EXOC4: variants seen among roughly 807,000 people sequenced by gnomAD.
The protein encoded by EXOC4 is SEC8-like 1.
In EXOC4, 71 loss-of-function variants were observed where a neutral mutation model predicts 107.2. That is an observed-to-expected ratio of 0.66 (90% CI 0.55 to 0.81). The LOEUF (loss-of-function observed/expected upper bound fraction) is 0.81, where lower values mean the gene tolerates loss of function less well. Ranked by LOEUF, EXOC4 falls within the 30% of genes least tolerant of loss-of-function variation. EXOC4 has a pLI of 0.00. For missense variants in EXOC4, 1,108 were observed against 1,189.6 expected (o/e 0.93, Z 1.01); for synonymous variants, 456 against 441.2 (o/e 1.03, Z -0.42).
intron 9 of EXOC4, among the ~76,000 whole-genome samples, chr7:133,622,350 C>T (rs1048448172): frequency 1.3e-5 from 2 of 151,902 alleles, no homozygotes; most frequent in African/African-American, 4.8e-5. Context: ...CAGGCAAACT[C>T]TTCACAGTTC....
intron 13 of EXOC4, among the ~76,000 whole-genome samples, chr7:133,926,714 A>AT (rs1463527736): frequency 1.3e-5 from 2 of 152,198 alleles, no homozygotes; most frequent in Non-Finnish European, 2.9e-5. Flanking sequence ...AATTACATAG[A>AT]TTTTGGGTAG....
chr7:133,465,281 A>C (rs1260066542), intron 7 of EXOC4, among the ~76,000 whole-genome samples: 1 of 152,190 alleles, frequency 6.6e-6, no homozygotes, highest in Non-Finnish European at 1.5e-5. Flanking sequence ...ATACTTTTGG[A>C]TGTTGAGACC....
chr7:133,766,324 G>T (rs1796138092), intron 10 of EXOC4, among the ~76,000 whole-genome samples: 1 of 152,006 alleles, frequency 6.6e-6, no homozygotes, highest in Non-Finnish European at 1.5e-5. Context: ...AATTATAACT[G>T]TATGTGCTTG....
intron 3 of EXOC4, among the ~76,000 whole-genome samples, chr7:133,300,534 A>G (rs1306544008): frequency 6.6e-6 from 1 of 152,170 alleles, no homozygotes. Context: ...AGTCCGGTCT[A>G]CTGGTGTCAT....
At chr7:133,900,156 G>GGT (rs1799420694) in intron 12 of EXOC4, among the ~76,000 whole-genome samples, 1 of 152,038 alleles carries the variant, frequency 6.6e-6, no homozygotes, top group South Asian at 2.1e-4. Context: ...ATGCTGTGAG[G>GGT]GTGTGTGGGG....
chr7:133,449,805 A>G (rs1339417191), intron 7 of EXOC4, among the ~76,000 whole-genome samples: 1 of 150,222 alleles, frequency 6.7e-6, no homozygotes, highest in African/African-American at 2.5e-5. Flanking sequence ...CCTGTTCTGA[A>G]ATTTTTATGT....
At chr7:133,896,228 T>A (rs1183092729) in intron 12 of EXOC4, among the ~76,000 whole-genome samples, 1 of 152,198 alleles carries the variant, frequency 6.6e-6, no homozygotes, top group Non-Finnish European at 1.5e-5. Flanking sequence ...ACCATTGTTA[T>A]GAACTTGAAA....
At chr7:133,615,276 T>A (rs578225382) in intron 9 of EXOC4, among the ~76,000 whole-genome samples, 1 of 150,786 alleles carries the variant, frequency 6.6e-6, no homozygotes. Context: ...CTCCTCCTCC[T>A]CCCCCCTCAT....
chr7:133,812,245 A>G (rs1797250541), intron 10 of EXOC4, among the ~76,000 whole-genome samples: 1 of 152,202 alleles, frequency 6.6e-6, no homozygotes, highest in Non-Finnish European at 1.5e-5. Context: ...CAGCAGCACC[A>G]TTTACTAAGC....
intron 3 of EXOC4, among the ~76,000 whole-genome samples, chr7:133,291,290 C>A (rs1044240244): frequency 1.3e-5 from 2 of 150,942 alleles, no homozygotes; most frequent in African/African-American, 4.9e-5. Context: ...GGGGATTTGT[C>A]TTTTTCCTTT....
chr7:133,754,245 ATGGCAG>A (rs1213698737), intron 10 of EXOC4, among the ~76,000 whole-genome samples: 1 of 152,294 alleles, frequency 6.6e-6, no homozygotes, highest in African/African-American at 2.4e-5. Context: ...GCAGCTGGCG[ATGGCAG>A]TGCCTTTCTC....
At chr7:133,619,199 C>T (rs1802268184) in intron 9 of EXOC4, among the ~76,000 whole-genome samples, 1 of 152,174 alleles carries the variant, frequency 6.6e-6, no homozygotes, top group South Asian at 2.1e-4. Flanking sequence ...CTAAATGGCA[C>T]CATGTTTTGC....
chr7:133,286,745 T>C (rs1584779480), intron 2 of EXOC4, among the ~76,000 whole-genome samples: 1 of 152,254 alleles, frequency 6.6e-6, no homozygotes, highest in African/African-American at 2.4e-5. Context: ...AGCCTAACTA[T>C]TGACGGAGAC....
intron 12 of EXOC4, among the ~76,000 whole-genome samples, chr7:133,908,978 C>A (rs976090379): frequency 6.6e-6 from 1 of 152,120 alleles, no homozygotes; most frequent in Admixed American, 6.5e-5. Context: ...CTAACGCTCT[C>A]CCTCCCCTAG....
At chr7:134,076,334 G>A in the EXOC4 span, among the ~76,000 whole-genome samples, 1 of 152,200 alleles carries the variant, frequency 6.6e-6, no homozygotes, top group East Asian at 1.9e-4. Context: ...TGGCTAACAC[G>A]GTGAAACCCC....
chr7:133,492,017 T>C (rs992180404), intron 9 of EXOC4, among the ~76,000 whole-genome samples: 2 of 152,204 alleles, frequency 1.3e-5, no homozygotes, highest in African/African-American at 2.4e-5. Flanking sequence ...AGACCTGGTA[T>C]GCCATAGCAA....
chr7:133,387,811 G>A (rs1267349596), intron 7 of EXOC4, among the ~76,000 whole-genome samples: 2 of 152,132 alleles, frequency 1.3e-5, no homozygotes, highest in Non-Finnish European at 1.5e-5. Flanking sequence ...CAAATGTTCA[G>A]TCTGAACACA....
In EXOC4 at chr7:134,044,800, A is replaced by T. The variant is rs1795608724; in HGVS notation, c.2688-19491A>T. ...ATATTCACATAGCACTTTACAATCG[A>T]CATAGGGCTTTCACAAATATGATTT... On this transcript the variant is annotated intron_variant, in intron 17 of 17. Coordinates refer to ENST00000253861, the MANE Select transcript of EXOC4 (RefSeq NM_021807.4). Among the ~76,000 whole-genome samples, 2 of 152,242 alleles carry T rather than the reference A, an allele frequency of 1.3e-5. 1 individual carries two copies. Among genetic ancestry groups the T allele is most frequent in the South Asian group, 4.1e-4 (2 of 4,834 alleles).
chr7:134,051,357 C>T (rs1403166399), intron 17 of EXOC4, among the ~76,000 whole-genome samples: 1 of 152,166 alleles, frequency 6.6e-6, no homozygotes, highest in Non-Finnish European at 1.5e-5. Context: ...TCAGAGGGAG[C>T]TGGGAGAAGT....
Sources: gnomAD v4.1 joint callset for allele counts (sites outside exome capture counted in the v4.1 genomes callset) on GRCh38, gnomAD v4.1.1 for gene constraint, MANE v1.5 for transcripts, NCBI Gene and HGNC (gene_info 2026-07-23, HGNC 2026-07-21) for gene names.